Variants in EIF4G3 observed in about 807,000 individuals in gnomAD.
The protein encoded by EIF4G3 is eIF-4-gamma 3.
Under a neutral mutation model 186.4 loss-of-function variants are expected in EIF4G3, and 34 were observed. The observed-to-expected ratio is 0.18, with a 90% confidence interval of 0.14 to 0.24. The LOEUF (loss-of-function observed/expected upper bound fraction) is 0.24. Ranked by LOEUF, EIF4G3 falls within the 10% of genes least tolerant of loss-of-function variation. The pLI is 1.00. For synonymous variants in EIF4G3, 673 were observed against 679.5 expected (o/e 0.99, Z 0.15); for missense variants, 1,536 against 1,948.5 (o/e 0.79, Z 3.99).
intron 14 of EIF4G3, among the ~76,000 whole-genome samples, chr1:20,940,863 T>A (rs2095685497): frequency 6.6e-6 from 1 of 152,118 alleles, no homozygotes; most frequent in Admixed American, 6.5e-5. Context: ...TAATTTGAAC[T>A]GGGAAGAATA....
At chr1:21,170,408 T>C (rs1411399032) in intron 2 of EIF4G3, among the ~76,000 whole-genome samples, 2 of 151,018 alleles carry the variant, frequency 1.3e-5, no homozygotes, top group African/African-American at 2.4e-5. Flanking sequence ...TGGTGGCTCA[T>C]GCCTGTAATC....
intron 4 of EIF4G3, among the ~76,000 whole-genome samples, chr1:21,031,679 CAG>C (rs572619939): frequency 9.3e-4 from 142 of 152,174 alleles, no homozygotes; most frequent in African/African-American, 3.3e-3. Flanking sequence ...AGGATGTTAG[CAG>C]AGAGAGATTC....
intron 3 of EIF4G3, among the ~76,000 whole-genome samples, chr1:21,068,045 T>C (rs999150494): frequency 6.6e-6 from 1 of 151,992 alleles, no homozygotes; most frequent in Non-Finnish European, 1.5e-5. Context: ...CCCCCAAAAA[T>C]TGAGTATTGC....
At chr1:20,813,797 G>A (rs2059760585) in intron 34 of EIF4G3, among the ~76,000 whole-genome samples, 1 of 151,726 alleles carries the variant, frequency 6.6e-6, no homozygotes, top group African/African-American at 2.4e-5. Flanking sequence ...AGTGAGCCAA[G>A]ATTGCACCAC....
At chr1:20,917,322 G>T (rs748753092) in intron 14 of EIF4G3, among the ~76,000 whole-genome samples, 17 of 152,076 alleles carry the variant, frequency 1.1e-4, no homozygotes, top group Non-Finnish European at 1.5e-5. Flanking sequence ...ATGGCGAAAC[G>T]GTCTCTACAA....
rs1491167517 is a variant in EIF4G3, at chr1:21,176,267, T to TGCCGCC, written c.-365_-364insGGCGGC. 6.7e-6 allele frequency: 2 copies of TGCCGCC among 297,222 alleles called. No homozygotes were observed. Among genetic ancestry groups the TGCCGCC allele is most frequent in the African/African-American group, 5.7e-5 (2 of 35,328 alleles). 18.4% of individuals were successfully genotyped at this position (297,222 alleles called of 1,614,324 possible). On this transcript the variant is annotated 5_prime_UTR_variant, in exon 2 of 37. Coordinates refer to ENST00000602326, the MANE Select transcript of EIF4G3 (RefSeq NM_001391906.1). ...CCGCCGCCGCCGCCGCCGCCGCCGCTGCTGCCGCCGCCGGGTGAGGAGGCG... is the reference window on the plus strand; with the variant it reads ...CCGCCGCCGCCGCCGCCGCCGCCGCTGCCGCCGCTGCCGCCGCCGGGTGAGGAGGCG...
intron 4 of EIF4G3, among the ~76,000 whole-genome samples, chr1:21,039,784 C>T (rs1473336011): frequency 6.6e-6 from 1 of 152,112 alleles, no homozygotes; most frequent in East Asian, 1.9e-4. Flanking sequence ...ATATCCAGAA[C>T]ATATAAAGAA....
At chr1:20,970,568 G>A (rs944995670) in intron 11 of EIF4G3, among the ~76,000 whole-genome samples, 5 of 151,412 alleles carry the variant, frequency 3.3e-5, no homozygotes, top group African/African-American at 1.2e-4. Flanking sequence ...AGCCAAGATC[G>A]CGCCACTGCA....
At chr1:20,925,233 C>T (rs1277620436) in intron 14 of EIF4G3, among the ~76,000 whole-genome samples, 1 of 152,046 alleles carries the variant, frequency 6.6e-6, no homozygotes, top group Non-Finnish European at 1.5e-5. Context: ...ACAGAAAAGC[C>T]ATGTTTTAGG....
intron 2 of EIF4G3, among the ~76,000 whole-genome samples, chr1:21,174,919 A>G (rs913281722): frequency 3.3e-5 from 5 of 152,200 alleles, no homozygotes; most frequent in South Asian, 2.1e-4. Flanking sequence ...CTTGGCAGAA[A>G]ACAAACAATG....
intron 3 of EIF4G3, among the ~76,000 whole-genome samples, chr1:21,073,266 T>A: frequency 6.6e-6 from 1 of 152,204 alleles, no homozygotes; most frequent in East Asian, 1.9e-4. Context: ...CTTACAAAAT[T>A]ACATGACCTA....
chr1:21,001,348 A>G (rs1256854874), intron 5 of EIF4G3, 36 bp from the exon 6 acceptor site: 2 of 470,812 alleles, frequency 4.2e-6, no homozygotes, highest in Non-Finnish European at 4.4e-6. Context: ...GCAGCTCTTC[A>G]GTCAGGTTCT....
At chr1:21,064,047 G>A (rs1431887107) in intron 3 of EIF4G3, among the ~76,000 whole-genome samples, 1 of 152,022 alleles carries the variant, frequency 6.6e-6, no homozygotes, top group Non-Finnish European at 1.5e-5. Context: ...ACTTTTCTCT[G>A]TGTTTCCATT....
intron 18 of EIF4G3, among the ~76,000 whole-genome samples, chr1:20,887,085 G>C (rs1385917852): frequency 6.6e-6 from 1 of 152,068 alleles, no homozygotes; most frequent in African/African-American, 2.4e-5. Context: ...TAAATGCTTG[G>C]AAATAATTTT....
chr1:20,922,787 A>G (rs2094573040), intron 14 of EIF4G3, among the ~76,000 whole-genome samples: 1 of 152,154 alleles, frequency 6.6e-6, no homozygotes, highest in Non-Finnish European at 1.5e-5. Context: ...CAAGCTAAGA[A>G]TAATTATTAG....
rs2154576671 is a variant in EIF4G3, at chr1:21,051,077, T to C, written c.-195-83A>G. 8.7e-6 allele frequency: 6 copies of C among 692,984 alleles called. 1 individual carries two copies. The South Asian group carries it at 9.4e-5, about 11-fold the overall frequency. The allele number at this position is 692,984 out of a possible 1,614,324, so 42.9% of individuals were successfully genotyped here. A position where few individuals can be genotyped will look rare whatever the true frequency, so the allele number is the denominator to read the frequency against. The stretch of plus-strand genomic sequence containing the variant: ...TACAGCTGAACTATCTGATTTTTAA[T>C]TGGATTTCCTACCTCACAACTTACA... On this transcript the variant is annotated intron_variant, in intron 3 of 36. Transcript: ENST00000602326.
intron 4 of EIF4G3, among the ~76,000 whole-genome samples, chr1:21,050,293 G>A (rs2094135207): frequency 6.6e-6 from 1 of 152,166 alleles, no homozygotes; most frequent in Non-Finnish European, 1.5e-5. Flanking sequence ...GGAACACATA[G>A]GAACATCCTC....
intron 30 of EIF4G3, among the ~76,000 whole-genome samples, chr1:20,838,949 T>C (rs1270798925): frequency 6.6e-6 from 1 of 152,158 alleles, no homozygotes; most frequent in Non-Finnish European, 1.5e-5. Flanking sequence ...AGTGCTAGCA[T>C]TACAGGTGTG....
intron 14 of EIF4G3, among the ~76,000 whole-genome samples, chr1:20,918,700 T>C (rs2094181519): frequency 1.5e-5 from 2 of 130,408 alleles, no homozygotes; most frequent in African/African-American, 5.8e-5. Context: ...CCTCCTAGTA[T>C]CTTTTTTTTT....
Sources: gnomAD v4.1 joint callset for allele counts (sites outside exome capture counted in the v4.1 genomes callset) on GRCh38, gnomAD v4.1.1 for gene constraint, MANE v1.5 for transcripts, NCBI Gene and HGNC (gene_info 2026-07-23, HGNC 2026-07-21) for gene names.